Variants in PTPRD observed in about 807,000 individuals in gnomAD.
PTPRD encodes protein tyrosine phosphatase receptor type D.
PTPRD carries 34 observed loss-of-function variants against 214.5 expected under a neutral mutation model. That is an observed-to-expected ratio of 0.16 (90% CI 0.12 to 0.21). The LOEUF is 0.21. Among genes scored for constraint, PTPRD ranks in the 10% least tolerant of loss-of-function variants. PTPRD has a pLI of 1.00. For synonymous variants in PTPRD, 1,128 were observed against 845.7 expected (o/e 1.33, Z -5.79); for missense variants, 2,545 against 2,398.7 (o/e 1.06, Z -1.27).
chr9:8,454,500 C>T lies in PTPRD; in HGVS notation c.3876-4663G>A. 6 of 1,491,072 alleles carry T rather than the reference C, an allele frequency of 4.0e-6. No homozygotes were observed. The South Asian group carries it at 4.7e-5, about 12-fold the overall frequency. 92.4% of individuals were successfully genotyped at this position (1,491,072 alleles called of 1,614,324 possible). A position where few individuals can be genotyped will look rare whatever the true frequency, so the allele number is the denominator to read the frequency against. ...TATCTTTTGTGTGCAGCCCCGCCCT[C>T]CCCTCTTCAACAACTCTGAAGTCTA... On this transcript the variant is annotated intron_variant, in intron 33 of 45. Transcript: ENST00000381196.
chr9:9,595,946 T>TA (rs144715622), intron 7 of PTPRD, among the ~76,000 whole-genome samples: 21,362 of 148,566 alleles, frequency 0.14, 1,886 homozygotes, highest in African/African-American at 0.25. Flanking sequence ...CCTATGGAAA[T>TA]AAAAAAAAAA....
chr9:8,386,952 G>A lies in PTPRD; in HGVS notation c.4386+2280C>T, dbSNP rs571824780. Among the ~76,000 whole-genome samples, 5 of 152,218 alleles carry A rather than the reference G, an allele frequency of 3.3e-5. No individual in the cohort carries two copies. The East Asian group carries it at 9.7e-4, about 29-fold the overall frequency. On this transcript the variant is annotated intron_variant, in intron 37 of 45. Transcript: ENST00000381196. ...GTGGTCATTTAGTCCCAAGTGTTCT[G>A]GACTGGAGAACAAAGGACTTTTGGG...
chr9:8,345,226 T>C (rs539163127), intron 39 of PTPRD, among the ~76,000 whole-genome samples: 8 of 152,024 alleles, frequency 5.3e-5, no homozygotes, highest in Non-Finnish European at 1.0e-4. Flanking sequence ...CTAAGAAGCA[T>C]TCAGTAAATG....
intron 2 of PTPRD, among the ~76,000 whole-genome samples, chr9:10,373,600 T>C (rs10959080): frequency 0.13 from 19,290 of 152,058 alleles, 2,493 homozygotes; most frequent in East Asian, 0.65. Flanking sequence ...AAATAGAAAA[T>C]TGTGTCTCTT....
chr9:8,733,734 C>G (rs749201290), intron 12 of PTPRD, 46 bp downstream of exon 12: 1 of 1,545,824 alleles, frequency 6.5e-7, no homozygotes, highest in South Asian at 1.2e-5. Flanking sequence ...CAAACAAAAC[C>G]ACTCATTATG....
intron 9 of PTPRD, among the ~76,000 whole-genome samples, chr9:9,222,698 G>C (rs2099956926): frequency 6.6e-6 from 1 of 151,960 alleles, no homozygotes; most frequent in Admixed American, 6.6e-5. Context: ...CCTATTATCA[G>C]TCTTCAAACT....
chr9:9,559,299 G>A (rs545795126), intron 8 of PTPRD, among the ~76,000 whole-genome samples: 2 of 152,312 alleles, frequency 1.3e-5, no homozygotes, highest in East Asian at 3.9e-4. Context: ...CCCAGTCTGG[G>A]AGTTGGTTAC....
At chr9:8,899,913 G>C (rs12552171) in intron 11 of PTPRD, among the ~76,000 whole-genome samples, 1 of 152,100 alleles carries the variant, frequency 6.6e-6, no homozygotes, top group Non-Finnish European at 1.5e-5. Flanking sequence ...AATGGGAGCA[G>C]ATAAACGATT....
intron 10 of PTPRD, among the ~76,000 whole-genome samples, chr9:9,074,267 G>T (rs1286279870): frequency 6.6e-6 from 1 of 152,018 alleles, no homozygotes; most frequent in Non-Finnish European, 1.5e-5. Context: ...AAATACTGAA[G>T]TTTACATGAA....
chr9:10,038,453 CAG>C (rs1171834876), intron 3 of PTPRD, among the ~76,000 whole-genome samples: 1 of 152,082 alleles, frequency 6.6e-6, no homozygotes, highest in African/African-American at 2.4e-5. Context: ...TTCTCTATCT[CAG>C]TGAACAATAA....
chr9:9,523,861 T>C (rs1046296010), intron 8 of PTPRD, among the ~76,000 whole-genome samples: 1 of 152,102 alleles, frequency 6.6e-6, no homozygotes, highest in East Asian at 1.9e-4. Context: ...GCCGGCCCAT[T>C]ACCCCGTGTC....
intron 6 of PTPRD, among the ~76,000 whole-genome samples, chr9:9,745,309 T>G (rs2098446289): frequency 6.6e-6 from 1 of 152,100 alleles, no homozygotes; most frequent in African/African-American, 2.4e-5. Context: ...GAACTTATTT[T>G]CAAGGAAAAA....
intron 2 of PTPRD, among the ~76,000 whole-genome samples, chr9:10,459,143 C>T (rs112440107): frequency 2.0e-5 from 3 of 152,068 alleles, no homozygotes; most frequent in Admixed American, 1.3e-4. Flanking sequence ...GTAAGAACAT[C>T]TGGTGTTCGG....
At chr9:9,364,104 A>G (rs1414047786) in intron 9 of PTPRD, among the ~76,000 whole-genome samples, 1 of 151,420 alleles carries the variant, frequency 6.6e-6, no homozygotes, top group Non-Finnish European at 1.5e-5. Flanking sequence ...TCTTCAGATC[A>G]AGGCCTATTG....
rs117918136 is a variant in PTPRD at position 10,126,692 on chromosome 9, A to G, written c.-544-92902T>C. 9.2e-5 allele frequency among the ~76,000 whole-genome samples: 14 copies of G among 152,308 alleles called. No homozygotes were observed. In the East Asian group the frequency reaches 2.5e-3, roughly 27 times the overall value. ...TTTATAACATGTTCAGGAAAAAGTT[A>G]ACATAGCTGTCTAGATATTTAGAAG... On this transcript the variant is annotated intron_variant, in intron 3 of 45. Transcript: ENST00000381196.
At position 8,316,545 on chromosome 9, in the gene PTPRD, G is replaced by T; in HGVS notation, c.*1329C>A. The T allele has an allele frequency of 4.3e-6, 1 of 230,524 alleles. No homozygotes were observed. The highest frequency in any genetic ancestry group is 8.6e-6 in the Non-Finnish European group (1 of 116,162). 14.3% of individuals were successfully genotyped at this position (230,524 alleles called of 1,614,324 possible). ...ACTTTTTTTAAACAACTCGATAGCT[G>T]ATATATTACAACATTCTCCCCTCCT... On this transcript the variant is annotated 3_prime_UTR_variant, in exon 46 of 46. Coordinates refer to ENST00000381196, the MANE Select transcript of PTPRD (RefSeq NM_002839.4).
chr9:8,969,846 T>G (rs964705767), intron 11 of PTPRD, among the ~76,000 whole-genome samples: 1 of 152,010 alleles, frequency 6.6e-6, no homozygotes, highest in East Asian at 1.9e-4. Context: ...AGACTTTTTA[T>G]AGAGTTTACA....
intron 5 of PTPRD, among the ~76,000 whole-genome samples, chr9:9,903,885 T>G (rs1205328401): frequency 6.6e-6 from 1 of 152,104 alleles, no homozygotes; most frequent in Non-Finnish European, 1.5e-5. Flanking sequence ...ACCATAACAA[T>G]AAACTCGGTT....
chr9:8,773,117 C>A (rs998856621), intron 11 of PTPRD, among the ~76,000 whole-genome samples: 2 of 152,108 alleles, frequency 1.3e-5, no homozygotes, highest in Non-Finnish European at 2.9e-5. Context: ...TATTCCCAGC[C>A]CTGTGCAAGC....
Sources: gnomAD v4.1 joint callset for allele counts (sites outside exome capture counted in the v4.1 genomes callset) on GRCh38, gnomAD v4.1.1 for gene constraint, MANE v1.5 for transcripts, NCBI Gene and HGNC (gene_info 2026-07-23, HGNC 2026-07-21) for gene names.